AGBL4: variants seen among roughly 807,000 people sequenced by gnomAD.
AGBL4 encodes AGBL carboxypeptidase 4.
In AGBL4, 58 loss-of-function variants were observed where a neutral mutation model predicts 66.4. The observed-to-expected ratio is 0.87, with a 90% confidence interval of 0.71 to 1.09. The LOEUF is 1.09. AGBL4 is among the 50% of genes least tolerant of loss of function. The pLI is 0.00. For synonymous variants in AGBL4, 234 were observed against 222.9 expected, an observed-to-expected ratio of 1.05 and a Z score of -0.44; for missense variants, 579 against 631.0, an observed-to-expected ratio of 0.92 and a Z score of 0.88.
chr1:48,966,357 CCTTATGT>C lies in AGBL4; in HGVS notation c.594+79220_594+79226del, dbSNP rs1658416949. Among the ~76,000 whole-genome samples, 4 of 152,200 alleles carry C rather than the reference CCTTATGT, an allele frequency of 2.6e-5. No individual in the cohort carries two copies. In the South Asian group the frequency reaches 8.3e-4, roughly 32 times the overall value. On this transcript the variant is annotated intron_variant, in intron 5 of 13. Coordinates refer to ENST00000371839, the MANE Select transcript of AGBL4 (RefSeq NM_032785.4). ...CCTTGTTCAAATCACTTAAGGGGAG[CCTTATGT>C]AGTTCTGCTAATGAAGTCATCCTCA... is the stretch of plus-strand genomic sequence containing the variant.
At chr1:48,744,463 G>A (rs564243012) in intron 6 of AGBL4, among the ~76,000 whole-genome samples, 1 of 152,256 alleles carries the variant, frequency 6.6e-6, no homozygotes, top group East Asian at 1.9e-4. Context: ...AGCTGAGTTG[G>A]CGTGTGAAGT....
intron 5 of AGBL4, among the ~76,000 whole-genome samples, chr1:49,039,634 A>T (rs767240299): frequency 6.6e-6 from 1 of 152,134 alleles, no homozygotes; most frequent in Non-Finnish European, 1.5e-5. Flanking sequence ...AAAATTTGTT[A>T]TCATGTGCAA....
chr1:49,670,859 A>G (rs1467615232), intron 3 of AGBL4, among the ~76,000 whole-genome samples: 1 of 152,208 alleles, frequency 6.6e-6, no homozygotes, highest in Non-Finnish European at 1.5e-5. Context: ...CAAATGCTTT[A>G]TTAGAAACAA....
intron 3 of AGBL4, among the ~76,000 whole-genome samples, chr1:49,461,340 C>T (rs563818293): frequency 1.4e-3 from 207 of 151,358 alleles, no homozygotes; most frequent in African/African-American, 4.8e-3. Flanking sequence ...ATTAAAAAAG[C>T]TTGTCTTCAA....
intron 4 of AGBL4, among the ~76,000 whole-genome samples, chr1:49,121,331 C>G (rs1645649549): frequency 6.6e-6 from 1 of 152,134 alleles, no homozygotes; most frequent in African/African-American, 2.4e-5. Flanking sequence ...TGGTTTCTCC[C>G]CATATTTGTG....
chr1:48,634,329 G>C, intron 9 of AGBL4, 164 bp downstream of exon 9: 1 of 512,000 alleles, frequency 2.0e-6, no homozygotes, highest in Non-Finnish European at 3.5e-6. Context: ...ATTGGGAGAA[G>C]GTCCTTGGGT....
At chr1:49,070,022 G>A (rs1298773415) in intron 4 of AGBL4, among the ~76,000 whole-genome samples, 1 of 151,774 alleles carries the variant, frequency 6.6e-6, no homozygotes, top group Non-Finnish European at 1.5e-5. Context: ...CTCATGATTT[G>A]GCTCTCTGTT....
At chr1:49,661,988 T>G (rs1646277944) in intron 3 of AGBL4, among the ~76,000 whole-genome samples, 1 of 151,960 alleles carries the variant, frequency 6.6e-6, no homozygotes, top group African/African-American at 2.4e-5. Context: ...GCAATAAAAA[T>G]AATTTATTAT....
intron 4 of AGBL4, among the ~76,000 whole-genome samples, chr1:49,176,838 C>T (rs1268033027): frequency 6.6e-6 from 1 of 152,072 alleles, no homozygotes; most frequent in Non-Finnish European, 1.5e-5. Context: ...CTCATACACG[C>T]ATAACATGTG....
At chr1:48,635,553 A>G (rs1026454269) in intron 8 of AGBL4, among the ~76,000 whole-genome samples, 1 of 152,184 alleles carries the variant, frequency 6.6e-6, no homozygotes, top group African/African-American at 2.4e-5. Context: ...GATATCACTG[A>G]GTTCAGTCCC....
chr1:49,166,821 C>A (rs1026738821), intron 4 of AGBL4, among the ~76,000 whole-genome samples: 1 of 152,140 alleles, frequency 6.6e-6, no homozygotes, highest in South Asian at 2.1e-4. Context: ...AGAATCTTAG[C>A]CTTGACCTCT....
At chr1:49,795,386 CTCAATGA>C (rs1557454149) in intron 2 of AGBL4, among the ~76,000 whole-genome samples, 1 of 151,884 alleles carries the variant, frequency 6.6e-6, no homozygotes, top group Non-Finnish European at 1.5e-5. Context: ...GTAAAGGTAT[CTCAATGA>C]TTTTTTTAAT....
intron 1 of AGBL4, among the ~76,000 whole-genome samples, chr1:49,888,337 T>G (rs1008778996): frequency 6.6e-6 from 1 of 152,194 alleles, no homozygotes; most frequent in African/African-American, 2.4e-5. Context: ...CACTATGTAC[T>G]GATCAGACCA....
intron 5 of AGBL4, among the ~76,000 whole-genome samples, chr1:48,975,386 G>A (rs1659235410): frequency 6.6e-6 from 1 of 152,098 alleles, no homozygotes; most frequent in Non-Finnish European, 1.5e-5. Context: ...TGGACCTTAT[G>A]ACCCAACAGA....
intron 6 of AGBL4, among the ~76,000 whole-genome samples, chr1:48,801,304 T>C (rs1342289372): frequency 1.3e-5 from 2 of 152,212 alleles, no homozygotes; most frequent in African/African-American, 2.4e-5. Context: ...GCCCACACCG[T>C]TGGCTGCAGC....
chr1:49,902,278 T>A (rs1261917067), intron 1 of AGBL4, among the ~76,000 whole-genome samples: 1 of 152,146 alleles, frequency 6.6e-6, no homozygotes, highest in Non-Finnish European at 1.5e-5. Context: ...ACTTGTAAAC[T>A]ATGCATCTGA....
chr1:49,768,465 G>A (rs1336223784), intron 2 of AGBL4, among the ~76,000 whole-genome samples: 2 of 152,096 alleles, frequency 1.3e-5, no homozygotes, highest in Admixed American at 6.5e-5. Flanking sequence ...GCTTTTGATA[G>A]AAACCCATAT....
At chr1:48,658,409 C>T (rs1277977826) in intron 7 of AGBL4, among the ~76,000 whole-genome samples, 2 of 152,208 alleles carry the variant, frequency 1.3e-5, no homozygotes, top group African/African-American at 4.8e-5. Flanking sequence ...CTCTGCTTGG[C>T]CCAGTGTGTG....
At chr1:49,159,718 G>A (rs1219482409) in intron 4 of AGBL4, among the ~76,000 whole-genome samples, 1 of 152,058 alleles carries the variant, frequency 6.6e-6, no homozygotes, top group African/African-American at 2.4e-5. Flanking sequence ...CATAGATTTG[G>A]TCTTTTCACA....
Sources: gnomAD v4.1 joint callset for allele counts (sites outside exome capture counted in the v4.1 genomes callset) on GRCh38, gnomAD v4.1.1 for gene constraint, MANE v1.5 for transcripts, NCBI Gene and HGNC (gene_info 2026-07-23, HGNC 2026-07-21) for gene names.